The following RGS3 variants were observed in gnomAD, a reference collection of about 807,000 sequenced individuals.
The protein encoded by RGS3 is regulator of G protein signaling 3.
A neutral mutation model predicts 132.6 loss-of-function variants in RGS3; 80 were observed. The observed-to-expected ratio is 0.60, with a 90% confidence interval of 0.50 to 0.73. The LOEUF is 0.73. Ranked by LOEUF, RGS3 falls within the 30% of genes least tolerant of loss-of-function variation. RGS3 has a pLI of 0.00. For missense variants in RGS3, 1,382 were observed against 1,530.8 expected, an observed-to-expected ratio of 0.90 and a Z score of 1.62; for synonymous variants, 598 against 620.6, an observed-to-expected ratio of 0.96 and a Z score of 0.54.
intron 14 of RGS3, among the ~76,000 whole-genome samples, chr9:113,510,087 C>T (rs7864069): frequency 0.013 from 1,948 of 151,930 alleles, 52 homozygotes; most frequent in African/African-American, 0.043. Context: ...CTCTCACCCC[C>T]CTCCCATCCT....
intron 3 of RGS3, among the ~76,000 whole-genome samples, chr9:113,467,445 T>C (rs1054097797): frequency 6.6e-6 from 1 of 152,230 alleles, no homozygotes; most frequent in Non-Finnish European, 1.5e-5. Context: ...GAATTGATAT[T>C]CACTATAGTT....
chr9:113,538,631 T>C (rs1454900748), intron 19 of RGS3, among the ~76,000 whole-genome samples: 2 of 152,184 alleles, frequency 1.3e-5, no homozygotes, highest in Non-Finnish European at 2.9e-5. Flanking sequence ...TGTAGGGCTT[T>C]GGGCTTGGCT....
intron 17 of RGS3, 29 bp from the exon 16 acceptor site, chr9:113,529,192 T>C (rs781300424): frequency 4.1e-5 from 66 of 1,596,424 alleles, no homozygotes; most frequent in Admixed American, 3.0e-4. Context: ...CCAGTTCTAA[T>C]GCAAATCTTA....
rs143152508 is a variant in RGS3 at position 113,568,609 on chromosome 9, C to T, written c.2038-14841C>T. On this transcript the variant is annotated intron_variant, in intron 19 of 24. Transcript: ENST00000350696. ...AGCAGCCCCCAGCCTGTTCCCCAGG[C>T]GCCTCTGGGCAGGAGCCTTCGCATG... 3.0e-3 allele frequency among the ~76,000 whole-genome samples: 462 copies of T among 152,354 alleles called. 4 individuals carry two copies. The highest frequency in any genetic ancestry group is 0.011 in the African/African-American group (438 of 41,586).
At chr9:113,455,571 T>A (rs1829347025), upstream of RGS3, among the ~76,000 whole-genome samples, 1 of 152,238 alleles carries the variant, frequency 6.6e-6, no homozygotes, top group Non-Finnish European at 1.5e-5. Context: ...TCTTCCACTT[T>A]GAAGCAGTAT....
chr9:113,568,942 C>T (rs573677061), intron 19 of RGS3, among the ~76,000 whole-genome samples: 3 of 152,282 alleles, frequency 2.0e-5, no homozygotes, highest in East Asian at 3.9e-4. Context: ...TCAGAGCTTC[C>T]GGGCACAGAT....
chr9:113,487,332 C>T (rs887036405), intron 7 of RGS3, among the ~76,000 whole-genome samples: 12 of 150,936 alleles, frequency 8.0e-5, no homozygotes, highest in African/African-American at 2.7e-4. Flanking sequence ...AGGATGGTCT[C>T]GATCTCCTGA....
chr9:113,546,726 A>G (rs976677385), intron 19 of RGS3, among the ~76,000 whole-genome samples: 1 of 152,220 alleles, frequency 6.6e-6, no homozygotes, highest in East Asian at 1.9e-4. Context: ...CTTCAGGGTC[A>G]TGGATACCAC....
intron 5 of RGS3, among the ~76,000 whole-genome samples, chr9:113,483,857 A>C (rs540933890): frequency 1.3e-3 from 194 of 152,266 alleles, no homozygotes; most frequent in Middle Eastern, 0.01. Context: ...GCTTGGGGGA[A>C]GAGCAGAGAT....
At chr9:113,457,422 C>T (rs1049838548), upstream of RGS3, among the ~76,000 whole-genome samples, 1 of 152,128 alleles carries the variant, frequency 6.6e-6, no homozygotes, top group Non-Finnish European at 1.5e-5. Context: ...TAATGCTTAC[C>T]CAATCTCCCA....
At chr9:113,448,256 T>A (rs1240126214) in intron 1 of RGS3, among the ~76,000 whole-genome samples, 1 of 152,134 alleles carries the variant, frequency 6.6e-6, no homozygotes, top group Non-Finnish European at 1.5e-5. Flanking sequence ...CCCCTTAGGA[T>A]CAAGCCTAAC....
intron 19 of RGS3, among the ~76,000 whole-genome samples, chr9:113,544,193 A>T (rs181121569): frequency 6.6e-5 from 10 of 152,190 alleles, no homozygotes; most frequent in African/African-American, 2.2e-4. Context: ...AGCTGGGAAG[A>T]TGGGAGCACA....
chr9:113,532,225 C>T (rs1019827736), intron 18 of RGS3, among the ~76,000 whole-genome samples: 9 of 152,150 alleles, frequency 5.9e-5, no homozygotes, highest in Non-Finnish European at 8.8e-5. Context: ...TTGGGACTGA[C>T]GAGTTGGATC....
rs551160691 is a variant in RGS3 at position 113,512,652 on chromosome 9, C to T, written c.1478-1806C>T. Among the ~76,000 whole-genome samples, 6 of 152,234 alleles carry T rather than the reference C, an allele frequency of 3.9e-5. No individual in the cohort carries two copies. The East Asian group carries it at 9.7e-4, about 25-fold the overall frequency. On this transcript the variant is annotated intron_variant, in intron 14 of 24. Coordinates refer to ENST00000350696, the Ensembl canonical transcript of RGS3. Reference sequence around the variant, plus strand: ...CTGAGGTATAGCTGGGGTCAGGCCACCTGTTCCCCCCTCGCTGCCAGGGCT... The same window carrying T: ...CTGAGGTATAGCTGGGGTCAGGCCATCTGTTCCCCCCTCGCTGCCAGGGCT...
chr9:113,462,154 C>G, exon 3 of RGS3: 1 of 1,614,150 alleles, frequency 6.2e-7, no homozygotes, highest in South Asian at 1.1e-5. Flanking sequence ...TGGACTCAAA[C>G]TTCTCCAGCC....
At position 113,565,091 on chromosome 9, in the gene RGS3, C is replaced by T; in HGVS notation, c.2038-18359C>T. ...GGGTGCCGTTGTGAGGGATGGACGC[C>T]TCTCCCCCGGAGCAGCACTTTGGGG... On this transcript the variant is annotated intron_variant, in intron 19 of 24. Transcript: ENST00000350696. The surrounding 1 kb of genome is among the most constrained non-coding windows in gnomAD (Gnocchi z 5.7). 6 of 1,161,454 alleles carry T rather than the reference C, an allele frequency of 5.2e-6. No homozygotes were observed. The highest frequency in any genetic ancestry group is 6.5e-6 in the Non-Finnish European group (6 of 927,792). 71.9% of individuals were successfully genotyped at this position (1,161,454 alleles called of 1,614,324 possible).
intron 7 of RGS3, among the ~76,000 whole-genome samples, chr9:113,487,682 T>A (rs1434699776): frequency 6.6e-6 from 1 of 152,166 alleles, no homozygotes; most frequent in East Asian, 1.9e-4. Flanking sequence ...AGGAGGGATC[T>A]GCAAACTCAT....
At chr9:113,446,437 G>A (rs769017358) in intron 1 of RGS3, among the ~76,000 whole-genome samples, 6 of 152,172 alleles carry the variant, frequency 3.9e-5, no homozygotes, top group Non-Finnish European at 8.8e-5. Context: ...CCACTAGGTG[G>A]TGATATTACA....
chr9:113,532,308 A>G (rs573696855), intron 18 of RGS3, among the ~76,000 whole-genome samples: 1 of 152,262 alleles, frequency 6.6e-6, no homozygotes, highest in East Asian at 1.9e-4. Context: ...CAATTTAGAC[A>G]GATTTAGGCA....
Sources: allele counts gnomAD v4.1 joint callset (sites outside exome capture counted in the v4.1 genomes callset), GRCh38; gene constraint gnomAD v4.1.1; non-coding constraint Gnocchi (gnomAD v3.1); transcripts MANE v1.5; gene names NCBI Gene and HGNC (gene_info 2026-07-23, HGNC 2026-07-21).